Variants in LARP1B observed in about 807,000 individuals in gnomAD.
LARP1B encodes La ribonucleoprotein 1B, also known as la-related protein 1B.
In LARP1B, 76 loss-of-function variants were observed where a neutral mutation model predicts 114.2. The ratio of observed to expected loss-of-function variants is 0.67; its 90% CI spans 0.55 to 0.81. LARP1B has a LOEUF of 0.81. Among genes scored for constraint, LARP1B ranks in the 30% least tolerant of loss-of-function variants. The pLI is 0.00. For synonymous variants in LARP1B, 345 were observed against 348.0 expected, an observed-to-expected ratio of 0.99 and a Z score of 0.10; for missense variants, 1,014 against 1,075.8, an observed-to-expected ratio of 0.94 and a Z score of 0.80.
In LARP1B at chr4:128,074,869, GT is replaced by G. The variant is rs1009520893; in HGVS notation, c.-18-58del. ...AAAACTCCTTTCACTTTTAGAAAAT[GT>G]TTTTTTCCTGCTTAAAATTTCTAAA... On this transcript the variant is annotated intron_variant, in intron 2 of 19. Coordinates refer to ENST00000326639, the MANE Select transcript of LARP1B (RefSeq NM_018078.4). 2,476 of 1,111,590 alleles carry G rather than the reference GT, an allele frequency of 2.2e-3. 41 individuals are homozygous for G. In the African/African-American group the frequency reaches 0.033, roughly 15 times the overall value. 68.9% of individuals were successfully genotyped at this position (1,111,590 alleles called of 1,614,324 possible).
At chr4:128,178,668 G>A in intron 14 of LARP1B, 26 bp downstream of exon 14, 1 of 1,535,380 alleles carries the variant, frequency 6.5e-7, no homozygotes, top group Non-Finnish European at 9.0e-7. Flanking sequence ...AGGAATATAA[G>A]GCTTGCATTT....
At chr4:128,154,102 T>G (rs977401093) in intron 11 of LARP1B, among the ~76,000 whole-genome samples, 7 of 152,162 alleles carry the variant, frequency 4.6e-5, no homozygotes, top group Non-Finnish European at 8.8e-5. Context: ...CTCATTTCAT[T>G]TTTTTTCCCT....
At chr4:128,209,705 A>G (rs1371361031) in intron 19 of LARP1B, 151 bp from the exon 20 acceptor site, 7 of 607,302 alleles carry the variant, frequency 1.2e-5, no homozygotes, top group Non-Finnish European at 2.0e-5. Context: ...CCTGGGTGAC[A>G]GAATGAGACT....
chr4:128,107,544 T>C (rs1300003311), intron 9 of LARP1B: 7 of 1,378,382 alleles, frequency 5.1e-6, no homozygotes, highest in East Asian at 2.5e-5. Flanking sequence ...TCTTAAATTA[T>C]ATGTGTACTT....
At chr4:128,161,588 G>A (rs756929572) in intron 11 of LARP1B, among the ~76,000 whole-genome samples, 14 of 152,056 alleles carry the variant, frequency 9.2e-5, no homozygotes, top group Non-Finnish European at 1.8e-4. Flanking sequence ...TTTGCCACTG[G>A]TTCTACACAG....
intron 1 of LARP1B, among the ~76,000 whole-genome samples, chr4:128,068,596 G>T (rs1175777907): frequency 6.6e-6 from 1 of 151,254 alleles, no homozygotes; most frequent in Admixed American, 6.6e-5. Context: ...TTTTTTTTGA[G>T]ACAGGGTCTC....
chr4:128,155,930 G>A, intron 11 of LARP1B: 1 of 1,539,706 alleles, frequency 6.5e-7, no homozygotes. Flanking sequence ...GCCAAGGAGG[G>A]GTACACAGGC....
intron 11 of LARP1B, among the ~76,000 whole-genome samples, chr4:128,136,812 G>T (rs1561366749): frequency 6.6e-6 from 1 of 152,132 alleles, no homozygotes; most frequent in Non-Finnish European, 1.5e-5. Context: ...TATGTTGCCT[G>T]GCTGGTCTTG....
chr4:128,191,111 A>ATTT (rs369784737), intron 15 of LARP1B, among the ~76,000 whole-genome samples: 1,710 of 149,410 alleles, frequency 0.011, 12 homozygotes, highest in Middle Eastern at 0.021. Flanking sequence ...GAGTTCCAGG[A>ATTT]TTTTTTTTTT....
At chr4:128,191,966 T>C (rs1043988000) in intron 15 of LARP1B, among the ~76,000 whole-genome samples, 3 of 152,146 alleles carry the variant, frequency 2.0e-5, no homozygotes, top group African/African-American at 7.2e-5. Flanking sequence ...CTATTTCTCT[T>C]ACTGTTTGCT....
intron 7 of LARP1B, among the ~76,000 whole-genome samples, chr4:128,093,709 C>CT (rs561778078): frequency 9.4e-4 from 115 of 122,706 alleles, no homozygotes; most frequent in South Asian, 6.3e-3. Context: ...TTTTTTTAAA[C>CT]TTTTTTTTTT....
At chr4:128,103,984 A>C (rs1295215293) in intron 8 of LARP1B, among the ~76,000 whole-genome samples, 2 of 151,436 alleles carry the variant, frequency 1.3e-5, no homozygotes, top group Non-Finnish European at 2.9e-5. Context: ...AAATTGAGGC[A>C]TAATTTATAC....
At chr4:128,152,026 T>C (rs1733022841) in intron 11 of LARP1B, among the ~76,000 whole-genome samples, 1 of 152,228 alleles carries the variant, frequency 6.6e-6, no homozygotes, top group Non-Finnish European at 1.5e-5. Context: ...TTTGGTCATT[T>C]GGTTATGATG....
chr4:128,139,104 G>A (rs920727840), intron 11 of LARP1B, among the ~76,000 whole-genome samples: 31 of 151,892 alleles, frequency 2.0e-4, no homozygotes, highest in African/African-American at 6.8e-4. Flanking sequence ...TCACATTAAC[G>A]GATTGAAGAA....
intron 7 of LARP1B, among the ~76,000 whole-genome samples, chr4:128,094,033 A>G (rs540929895): frequency 8.0e-5 from 12 of 149,950 alleles, no homozygotes; most frequent in African/African-American, 2.5e-4. Context: ...AAAACATTTT[A>G]AAAACTTTTT....
intron 8 of LARP1B, among the ~76,000 whole-genome samples, chr4:128,103,449 T>C (rs1458316554): frequency 2.6e-5 from 4 of 152,148 alleles, no homozygotes; most frequent in African/African-American, 4.8e-5. Flanking sequence ...ATTACCTGCC[T>C]TGGTAGTGGT....
chr4:128,165,116 T>A (rs1303931658), intron 12 of LARP1B, among the ~76,000 whole-genome samples: 2 of 151,878 alleles, frequency 1.3e-5, no homozygotes, highest in African/African-American at 4.8e-5. Flanking sequence ...GCAAGGGGAA[T>A]TATTAATATA....
At position 128,199,601 on chromosome 4, in the gene LARP1B, T is replaced by C. The variant is rs564575475; in HGVS notation, c.2164+2T>C. ...AGTATCGTCGAAGATGCCTAAGTGGTAAGATGCTTGTCCTTTATCTATCTA... is the reference window on the plus strand; with the variant it reads ...AGTATCGTCGAAGATGCCTAAGTGGCAAGATGCTTGTCCTTTATCTATCTA... On this transcript the variant is annotated splice_donor_variant, in intron 16 of 19. Transcript: ENST00000326639. LOFTEE classifies it high-confidence loss of function. 3.3e-6 allele frequency: 5 copies of C among 1,516,418 alleles called. 1 individual carries two copies. In the Admixed American group the frequency reaches 5.7e-5, roughly 17 times the overall value. The allele number at this position is 1,516,418 out of a possible 1,614,324, so 93.9% of individuals were successfully genotyped here. A position where few individuals can be genotyped will look rare whatever the true frequency, so the allele number is the denominator to read the frequency against.
intron 5 of LARP1B, among the ~76,000 whole-genome samples, chr4:128,084,505 A>G (rs770514451): frequency 2.6e-5 from 4 of 152,166 alleles, no homozygotes; most frequent in Admixed American, 6.5e-5. Flanking sequence ...CGCGCCTGCA[A>G]TCGCAGGCAC....
Sources: allele counts gnomAD v4.1 joint callset (sites outside exome capture counted in the v4.1 genomes callset), GRCh38; gene constraint gnomAD v4.1.1; transcripts MANE v1.5; gene names NCBI Gene and HGNC (gene_info 2026-07-23, HGNC 2026-07-21).